SEPTIN4: variants seen among roughly 807,000 people sequenced by gnomAD.
SEPTIN4 encodes the protein septin-4.
Under a neutral mutation model 107.1 loss-of-function variants are expected in SEPTIN4, and 52 were observed. The ratio of observed to expected loss-of-function variants is 0.49; its 90% CI spans 0.39 to 0.61. The LOEUF (loss-of-function observed/expected upper bound fraction) is 0.61. Among genes scored for constraint, SEPTIN4 ranks in the 20% least tolerant of loss-of-function variants. SEPTIN4 has a pLI of 0.00. For synonymous variants in SEPTIN4, 417 were observed against 467.0 expected (o/e 0.89, Z 1.38); for missense variants, 1,048 against 1,243.5 (o/e 0.84, Z 2.36).
rs201016651 is a variant in SEPTIN4 at position 58,542,617 on chromosome 17, T to C, written c.1561+9A>G. 7.4e-5 allele frequency: 118 copies of C among 1,601,322 alleles called. No homozygotes were observed. The highest frequency in any genetic ancestry group is 1.2e-4 in the Admixed American group (7 of 58,894). On this transcript the variant is annotated intron_variant, in intron 1 of 13. Coordinates refer to ENST00000672673, the MANE Select transcript of SEPTIN4 (RefSeq NM_001368771.2). ...GGGCTGCACCTGGGCAGTCTGCTTC[T>C]TCACATACCCAGGAAGAAAGCAGTA...
At chr17:58,530,178 T>C (rs1174050587) in intron 3 of SEPTIN4, 1 of 152,254 alleles carries the variant, frequency 6.6e-6, no homozygotes, top group Non-Finnish European at 1.5e-5. Flanking sequence ...TGAGTCTGGA[T>C]AGTGTCTTAA....
In SEPTIN4 at chr17:58,520,609, G is replaced by C; in HGVS notation, c.2932-124C>G. Reference sequence around the variant, plus strand: ...AGCCGTGAGGTGTGATGGAGACTCTGGACAGAACCACCTATTGACCTATCC... The same window carrying C: ...AGCCGTGAGGTGTGATGGAGACTCTCGACAGAACCACCTATTGACCTATCC... On this transcript the variant is annotated intron_variant, in intron 13 of 13. Coordinates refer to ENST00000672673, the MANE Select transcript of SEPTIN4 (RefSeq NM_001368771.2). The C allele has an allele frequency of 3.3e-6, 5 of 1,498,462 alleles. No homozygotes were observed. The South Asian group carries it at 3.4e-5, about 10-fold the overall frequency. The allele number at this position is 1,498,462 out of a possible 1,614,324, so 92.8% of individuals were successfully genotyped here. A position where few individuals can be genotyped will look rare whatever the true frequency, so the allele number is the denominator to read the frequency against.
At chr17:58,531,952 C>T in intron 3 of SEPTIN4, 1 of 1,149,244 alleles carries the variant, frequency 8.7e-7, no homozygotes, top group African/African-American at 1.6e-5. Flanking sequence ...GCCTGCCTGC[C>T]TGCCTTACCA....
rs1030508427 is a variant in SEPTIN4 at position 58,526,115 on chromosome 17, T to C, written c.2005+105A>G. 4.3e-6 allele frequency: 5 copies of C among 1,161,894 alleles called. No homozygotes were observed. In the African/African-American group the frequency reaches 9.2e-5, roughly 21 times the overall value. The allele number at this position is 1,161,894 out of a possible 1,614,324, so 72.0% of individuals were successfully genotyped here. A position where few individuals can be genotyped will look rare whatever the true frequency, so the allele number is the denominator to read the frequency against. ...CTGTTTTGCAAAACAGTACAGCCAC[T>C]CGCTGCTTGCTCCCTGCGACCTATA... is the stretch of plus-strand genomic sequence containing the variant. On this transcript the variant is annotated intron_variant, in intron 5 of 13. Transcript: ENST00000672673.
intron 4 of SEPTIN4, 105 bp downstream of exon 4, chr17:58,526,573 AACAC>A (rs3034932): frequency 0.018 from 23,072 of 1,280,980 alleles, 19 homozygotes; most frequent in South Asian, 0.045. Context: ...CACACACACA[AACAC>A]ACACACACAC....
At chr17:58,541,325 G>A (rs1212143255) in intron 2 of SEPTIN4, among the ~76,000 whole-genome samples, 1 of 152,074 alleles carries the variant, frequency 6.6e-6, no homozygotes, top group Non-Finnish European at 1.5e-5. Flanking sequence ...ACCCTCCCCT[G>A]CCCCCAGAGA....
Position 58,542,765 on chromosome 17 carries a change from C to T in SEPTIN4, c.1422G>A (p.Lys474=). ...IDSSPFCEDL[K]FQREKASLSP... is the part of the protein sequence containing the mutation. ...ATAGGCTTGCCTTCTCTCTCTGGAA[C>T]TTCAGATCCTCACAGAAAGGGCTAG... is the stretch of plus-strand genomic sequence containing the variant. Residue 474 remains lysine (K), a synonymous_variant, in exon 1 of 14, where the codon AAG becomes AAA. Transcript: ENST00000672673. The T allele has an allele frequency of 6.2e-7, 1 of 1,614,182 alleles. No individual in the cohort carries two copies. Among genetic ancestry groups the T allele is most frequent in the Non-Finnish European group, 8.5e-7 (1 of 1,180,030 alleles).
chr17:58,532,344 C>G (rs1318515818), intron 3 of SEPTIN4: 1 of 158,044 alleles, frequency 6.3e-6, no homozygotes, highest in East Asian at 1.9e-4. Context: ...TGAGCCAGTT[C>G]CCAAAGAAAA....
chr17:58,539,228 A>G (rs867145752), intron 3 of SEPTIN4: 1 of 1,478,416 alleles, frequency 6.8e-7, no homozygotes, highest in Non-Finnish European at 9.0e-7. Flanking sequence ...TCGAGACCGG[A>G]TAAGAGCTAT....
At position 58,525,136 on chromosome 17, in the gene SEPTIN4, G is replaced by A; in HGVS notation, c.2158C>T (p.Leu720=). 1 of 1,614,196 alleles carries A rather than the reference G, an allele frequency of 6.2e-7. No individual in the cohort carries two copies. The highest frequency in any genetic ancestry group is 8.5e-7 in the Non-Finnish European group (1 of 1,180,038). ...AVDIEEKGVR[L]RLTIVDTPGF... Reference sequence around the variant, plus strand: ...GGTGTGTCCACAATGGTGAGCCGCAGCCTCACACCCTTCTCTTCTATGTCC... The same window carrying A: ...GGTGTGTCCACAATGGTGAGCCGCAACCTCACACCCTTCTCTTCTATGTCC... The change falls in exon 7 of 14, where the codon CTG becomes TTG. Residue 720 remains leucine, a synonymous_variant. Transcript: ENST00000672673.
intron 3 of SEPTIN4, 172 bp from the exon 4 acceptor site, chr17:58,527,150 C>T (rs1047680608): frequency 2.7e-6 from 3 of 1,122,228 alleles, no homozygotes; most frequent in Admixed American, 1.7e-5. Context: ...ACCATCCCTC[C>T]CTCACCTGCT....
chr17:58,520,889 G>A lies in SEPTIN4; in HGVS notation c.2832-47C>T, dbSNP rs375706047. On this transcript the variant is annotated intron_variant, in intron 12 of 13. Transcript: ENST00000672673. ...TAAGGCGAGGAGGACCCCAGCACCC[G>A]CTTAGATTGAGCCCAGGGCCTATAG... 3.7e-5 allele frequency: 60 copies of A among 1,613,430 alleles called. No homozygotes were observed. Among genetic ancestry groups the A allele is most frequent in the Non-Finnish European group, 4.2e-5 (49 of 1,179,774 alleles).
At chr17:58,526,572 AAAC>A in intron 4 of SEPTIN4, 107 bp downstream of exon 4, 1 of 1,420,452 alleles carries the variant, frequency 7.0e-7, no homozygotes. Flanking sequence ...ACACACACAC[AAAC>A]ACACACACAC....
chr17:58,544,276 T>G lies in SEPTIN4; in HGVS notation c.-90A>C. Reference sequence around the variant, plus strand: ...AATGATGCCTGAATATTTACCCTGTTTTAAAGCTGCTGTTTCTTGGGCTCC... The same window carrying G: ...AATGATGCCTGAATATTTACCCTGTGTTAAAGCTGCTGTTTCTTGGGCTCC... On this transcript the variant is annotated 5_prime_UTR_variant, in exon 1 of 14. Transcript: ENST00000672673. 2 of 1,478,544 alleles carry G rather than the reference T, an allele frequency of 1.4e-6. No homozygotes were observed. The highest frequency in any genetic ancestry group is 1.8e-6 in the Non-Finnish European group (2 of 1,109,734). 91.6% of individuals were successfully genotyped at this position (1,478,544 alleles called of 1,614,324 possible). A position where few individuals can be genotyped will look rare whatever the true frequency, so the allele number is the denominator to read the frequency against.
At chr17:58,537,646 T>C (rs2043758055) in intron 3 of SEPTIN4, among the ~76,000 whole-genome samples, 1 of 151,882 alleles carries the variant, frequency 6.6e-6, no homozygotes, top group Non-Finnish European at 1.5e-5. Flanking sequence ...CCTGACCAAC[T>C]TGGTGAAACC....
intron 4 of SEPTIN4, 43 bp from the exon 5 acceptor site, chr17:58,526,356 A>G: frequency 6.8e-7 from 1 of 1,472,572 alleles, no homozygotes; most frequent in Non-Finnish European, 9.0e-7. Flanking sequence ...GAGGAGCCAA[A>G]GGGGCCCCGG....
intron 3 of SEPTIN4, among the ~76,000 whole-genome samples, chr17:58,534,380 G>A (rs1567974486): frequency 6.6e-6 from 1 of 152,154 alleles, no homozygotes; most frequent in Admixed American, 6.5e-5. Flanking sequence ...TGCCCTCTCT[G>A]GGCCTCTGTT....
chr17:58,539,204 G>A, intron 3 of SEPTIN4: 1 of 1,526,458 alleles, frequency 6.6e-7, no homozygotes, highest in African/African-American at 1.4e-5. Flanking sequence ...AACAGGGCTG[G>A]AGAGCTGTAA....
rs2043919062 is a variant in SEPTIN4, at chr17:58,542,902, G to GCCA, written c.1282_1284dup (p.Trp428dup). The stretch of plus-strand genomic sequence containing the variant: ...GTTTCAACTTCAGGATTCAGCAAGG[G>GCCA]CCACCATGAGGAGTCAGGTCCGTAC... On this transcript the variant is annotated inframe_insertion, in exon 1 of 14. Transcript: ENST00000672673. The GCCA allele has an allele frequency of 6.2e-7, 1 of 1,614,100 alleles. No homozygotes were observed. Among genetic ancestry groups the GCCA allele is most frequent in the African/African-American group, 1.3e-5 (1 of 74,934 alleles).
Sources: allele counts gnomAD v4.1 joint callset (sites outside exome capture counted in the v4.1 genomes callset), GRCh38; gene constraint gnomAD v4.1.1; transcripts MANE v1.5; gene names NCBI Gene and HGNC (gene_info 2026-07-23, HGNC 2026-07-21).